The following PHEX variants were observed in gnomAD, a reference collection of about 807,000 sequenced individuals.
The protein encoded by PHEX is phosphate-regulating neutral endopeptidase PHEX.
In PHEX, 16 loss-of-function variants were observed where a neutral mutation model predicts 68.0. That is an observed-to-expected ratio of 0.24 (90% confidence interval 0.16 to 0.36). The LOEUF (loss-of-function observed/expected upper bound fraction) is 0.36, where lower values mean the gene tolerates loss of function less well. Among genes scored for constraint, PHEX ranks in the 10% least tolerant of loss-of-function variants. PHEX has a pLI of 1.00. For missense variants in PHEX, 480 were observed against 575.5 expected (o/e 0.83, Z 1.70); for synonymous variants, 208 against 205.1 (o/e 1.01, Z -0.12).
Position 22,212,639 on chromosome X carries a change from A to G in PHEX, c.1646-265A>G, listed in dbSNP as rs5904512. Among the ~76,000 whole-genome samples, 35,936 of 110,960 alleles carry G rather than the reference A, an allele frequency of 0.32. 4,388 individuals are homozygous for G. The highest frequency in any genetic ancestry group is 0.37 in the African/African-American group (11,357 of 30,485). ...CTGAAGCCTCATGAGCATGCCATGT[A>G]TGAAGGAGCCCAGCTTACAGCAGGC... On this transcript the variant is annotated intron_variant, in intron 15 of 21. Transcript: ENST00000379374.
At chrX:22,091,322 T>C (rs1004010383) in intron 6 of PHEX, among the ~76,000 whole-genome samples, 4 of 111,412 alleles carry the variant, frequency 3.6e-5, no homozygotes, top group Non-Finnish European at 7.5e-5. Flanking sequence ...GGGGAGGGTG[T>C]ACCCCTGGTA....
chrX:22,153,950 C>T (rs1932899426), intron 12 of PHEX, among the ~76,000 whole-genome samples: 1 of 111,272 alleles, frequency 9.0e-6, no homozygotes, highest in Admixed American at 9.6e-5. Flanking sequence ...CTAAACATCT[C>T]TAAGATCCTG....
At chrX:22,108,610 C>T (rs760641332) in intron 9 of PHEX, among the ~76,000 whole-genome samples, 11 of 111,832 alleles carry the variant, frequency 9.8e-5, no homozygotes, top group Non-Finnish European at 5.6e-5. Flanking sequence ...GTGAGAGGGG[C>T]ACTGTCACCC....
intron 21 of PHEX, among the ~76,000 whole-genome samples, chrX:22,246,690 T>G (rs2301330): frequency 0.059 from 6,579 of 112,154 alleles, 327 homozygotes; most frequent in East Asian, 0.24. Flanking sequence ...ATCAACTGTA[T>G]TCTATCTTTA....
chrX:22,209,685 C>A (rs868510360), intron 15 of PHEX, among the ~76,000 whole-genome samples: 1 of 82,735 alleles, frequency 1.2e-5, no homozygotes, highest in Non-Finnish European at 2.8e-5. Flanking sequence ...CCTCCCTCTC[C>A]TCCCTCTCCT....
intron 21 of PHEX, 31 bp downstream of exon 21, chrX:22,245,440 T>G (rs1936364746): frequency 1.0e-6 from 1 of 967,214 alleles, no homozygotes; most frequent in South Asian, 1.9e-5. Flanking sequence ...CGGCAGTTTT[T>G]AACTGTACAT....
Position 22,227,508 on chromosome X carries a change from C to G in PHEX, c.1967C>G (p.Ala656Gly). The change falls in exon 20 of 22, where the codon GCT becomes GGT. Residue 656 changes from alanine (A) to glycine (G), a missense_variant and splice_region_variant. By Grantham distance (60) the Ala-to-Gly change is moderately conservative (BLOSUM62 0). Coordinates refer to ENST00000379374, the MANE Select transcript of PHEX (RefSeq NM_000444.6). ...CATCTCTTCTTCTTCTCTCACCAGG[C>G]TTACAGGAAATGGATAAATGACAGA... ...DNGGLREAFR[A>G]YRKWINDRRQ... 8.4e-7 allele frequency: 1 copy of G among 1,189,176 alleles called. No homozygotes were observed. Among genetic ancestry groups the G allele is most frequent in the Non-Finnish European group, 1.1e-6 (1 of 874,846 alleles).
chrX:22,092,749 C>CTTTTTTTTTTTTTTTTTTTTTTTTT (rs370527485), intron 6 of PHEX, among the ~76,000 whole-genome samples: 4 of 77,950 alleles, frequency 5.1e-5, no homozygotes, highest in African/African-American at 1.7e-4. Flanking sequence ...TTCTTTCTTT[C>CTTTTTTTTTTTTTTTTTTTTTTTTT]TTTTTTTTTT....
intron 15 of PHEX, among the ~76,000 whole-genome samples, chrX:22,192,531 C>A (rs149501103): frequency 0.047 from 5,248 of 111,640 alleles, 129 homozygotes; most frequent in Middle Eastern, 0.083. Context: ...TCTGCCTGTA[C>A]CTCCTGCTAC....
intron 12 of PHEX, among the ~76,000 whole-genome samples, chrX:22,165,687 G>C (rs749728255): frequency 1.5e-4 from 17 of 111,774 alleles, no homozygotes; most frequent in Non-Finnish European, 3.0e-4. Context: ...GTTATAAAAG[G>C]GATCCCAGGG....
intron 18 of PHEX, among the ~76,000 whole-genome samples, chrX:22,225,079 T>C (rs1215045750): frequency 4.7e-5 from 1 of 21,131 alleles, no homozygotes; most frequent in East Asian, 1.2e-3. Flanking sequence ...GGGGAGTATC[T>C]GTTTCCTCGC....
intron 11 of PHEX, among the ~76,000 whole-genome samples, chrX:22,120,827 A>G (rs1931454744): frequency 8.9e-6 from 1 of 112,175 alleles, no homozygotes; most frequent in Non-Finnish European, 1.9e-5. Context: ...ATTCTCTACT[A>G]AGGCGGAAAT....
intron 16 of PHEX, among the ~76,000 whole-genome samples, chrX:22,213,568 C>T (rs1273507126): frequency 8.9e-6 from 1 of 111,743 alleles, no homozygotes; most frequent in Admixed American, 9.5e-5. Flanking sequence ...CTTAGGGATA[C>T]CAGTTTAAAG....
chrX:22,190,341 C>T lies in PHEX; in HGVS notation c.1587-103C>T, dbSNP rs1016063830. On this transcript the variant is annotated intron_variant, in intron 14 of 21. Coordinates refer to ENST00000379374, the MANE Select transcript of PHEX (RefSeq NM_000444.6). ...CCTCATGTCCAACATCCCCATTGTT[C>T]CATGTTATCTGCTAATAAACCCAGC... 1.0e-5 allele frequency: 6 copies of T among 588,199 alleles called. No homozygotes were observed. In the Admixed American group the frequency reaches 1.3e-4, roughly 13 times the overall value. 48.5% of individuals were successfully genotyped at this position (588,199 alleles called of 1,213,427 possible).
chrX:22,155,074 G>A (rs1003725379), intron 12 of PHEX, among the ~76,000 whole-genome samples: 26 of 112,274 alleles, frequency 2.3e-4, no homozygotes, highest in Non-Finnish European at 4.9e-4. Context: ...ACCATGCCTA[G>A]CTAATTTTTG....
In PHEX at chrX:22,219,112, C is replaced by A. The variant is rs770894201; in HGVS notation, c.1768+9C>A. ...TGGATTTGATAATAATGGTAAGTACCGGTTCATTTTATAAGCTGCTGCTTT... is the reference window on the plus strand; with the variant it reads ...TGGATTTGATAATAATGGTAAGTACAGGTTCATTTTATAAGCTGCTGCTTT... On this transcript the variant is annotated intron_variant, in intron 17 of 21. Transcript: ENST00000379374. 2 of 1,103,193 alleles carry A rather than the reference C, an allele frequency of 1.8e-6. No homozygotes were observed. Among genetic ancestry groups the A allele is most frequent in the Admixed American group, 4.4e-5 (2 of 45,936 alleles). 90.9% of individuals were successfully genotyped at this position (1,103,193 alleles called of 1,213,427 possible). A position where few individuals can be genotyped will look rare whatever the true frequency, so the allele number is the denominator to read the frequency against.
chrX:22,073,648 T>G (rs888477770), intron 3 of PHEX, among the ~76,000 whole-genome samples: 3 of 96,006 alleles, frequency 3.1e-5, no homozygotes, highest in African/African-American at 1.2e-4. Context: ...TTTTTTTTTT[T>G]TTTTTTTTTT....
intron 2 of PHEX, among the ~76,000 whole-genome samples, chrX:22,041,752 CAT>C (rs1013016584): frequency 1.8e-5 from 2 of 110,137 alleles, no homozygotes; most frequent in African/African-American, 6.6e-5. Context: ...TTTTTGAGCT[CAT>C]AAATTTTCAA....
intron 20 of PHEX, among the ~76,000 whole-genome samples, chrX:22,232,770 T>C (rs1280030743): frequency 9.1e-6 from 1 of 110,226 alleles, no homozygotes; most frequent in Non-Finnish European, 1.9e-5. Flanking sequence ...TCTGTGTCTT[T>C]TAATTGGGGC....
Sources: allele counts gnomAD v4.1 joint callset (sites outside exome capture counted in the v4.1 genomes callset), GRCh38; gene constraint gnomAD v4.1.1; transcripts MANE v1.5; gene names NCBI Gene and HGNC (gene_info 2026-07-23, HGNC 2026-07-21).